PCDHA3: variants seen among roughly 807,000 people sequenced by gnomAD.
The protein encoded by PCDHA3 is protocadherin alpha 3.
A neutral mutation model predicts 62.2 loss-of-function variants in PCDHA3; 41 were observed. The observed-to-expected ratio is 0.66, with a 90% CI of 0.51 to 0.86. The LOEUF (loss-of-function observed/expected upper bound fraction) is 0.86. Ranked by LOEUF, PCDHA3 falls within the 40% of genes least tolerant of loss-of-function variation. The pLI, the probability that PCDHA3 is intolerant of heterozygous loss-of-function variation, is 0.00. For synonymous variants in PCDHA3, 640 were observed against 555.4 expected (o/e 1.15, Z -2.14); for missense variants, 1,304 against 1,241.2 (o/e 1.05, Z -0.76).
intron 1 of PCDHA3, chr5:140,823,286 C>A: frequency 1.2e-6 from 2 of 1,612,438 alleles, no homozygotes; most frequent in Non-Finnish European, 8.5e-7. Flanking sequence ...CGCCCGCTGT[C>A]GAGTTACGTT....
chr5:140,928,801 G>C, intron 1 of PCDHA3: 1 of 1,614,184 alleles, frequency 6.2e-7, no homozygotes, highest in Non-Finnish European at 8.5e-7. Context: ...GGTGGTGGTA[G>C]TGGTTCGGGA....
chr5:140,816,312 A>C (rs2126670539), intron 1 of PCDHA3: 29 of 152,232 alleles, frequency 1.9e-4, no homozygotes, highest in Admixed American at 4.6e-4. Flanking sequence ...TAAAATTTTC[A>C]GTTCAATTAT....
intron 1 of PCDHA3, chr5:140,822,039 G>A: frequency 6.2e-7 from 1 of 1,614,224 alleles, no homozygotes; most frequent in South Asian, 1.1e-5. Flanking sequence ...TGAATTCTCG[G>A]ATCGACCGGG....
intron 1 of PCDHA3, chr5:140,822,363 G>A: frequency 6.2e-7 from 1 of 1,614,118 alleles, no homozygotes; most frequent in South Asian, 1.1e-5. Context: ...TGGTTTTGAG[G>A]AAATCCTTAG....
chr5:140,822,174 CAG>C lies in PCDHA3; in HGVS notation c.2394+18585_2394+18586del, dbSNP rs2150114335. 10 of 1,614,246 alleles carry C rather than the reference CAG, an allele frequency of 6.2e-6. No homozygotes were observed. In the East Asian group the frequency reaches 2.0e-4, roughly 32 times the overall value. On this transcript the variant is annotated intron_variant, in intron 1 of 3. Coordinates refer to ENST00000522353, the MANE Select transcript of PCDHA3 (RefSeq NM_018906.3). ...TCAATGACAATCCGCCCAGGTTCTC[CAG>C]ACAAGAACAAAGATTATTCATTTTA...
rs2150110704 is a variant in PCDHA3 at position 140,821,793 on chromosome 5, A to G, written c.2394+18202A>G. The G allele has an allele frequency of 9.3e-6, 15 of 1,612,486 alleles. No homozygotes were observed. The East Asian group carries it at 3.3e-4, about 36-fold the overall frequency. ...AGATTGAGATGGTATATTCCCGGAG[A>G]GGAAGTCTGGGATCCCGGCTCCTGC... On this transcript the variant is annotated intron_variant, in intron 1 of 3. Coordinates refer to ENST00000522353, the MANE Select transcript of PCDHA3 (RefSeq NM_018906.3).
chr5:140,801,881 A>G lies in PCDHA3; in HGVS notation c.684A>G (p.Leu228=). The stretch of plus-strand genomic sequence containing the variant: ...CAGAGCTCACTGGCACGACTCAACT[A>G]AAGATCACTGTTTTAGATGTAAACG... ...GKPELTGTTQ[L]KITVLDVNDN... is the part of the protein sequence containing the mutation. The change falls in exon 1 of 4, where the codon CTA becomes CTG. Residue 228 remains leucine, a synonymous_variant. Coordinates refer to ENST00000522353, the MANE Select transcript of PCDHA3 (RefSeq NM_018906.3). The G allele has an allele frequency of 6.2e-7, 1 of 1,614,200 alleles. No homozygotes were observed. The highest frequency in any genetic ancestry group is 8.5e-7 in the Non-Finnish European group (1 of 1,180,050).
chr5:140,848,894 C>G (rs1562450529), intron 1 of PCDHA3: 3 of 1,604,178 alleles, frequency 1.9e-6, no homozygotes, highest in Non-Finnish European at 2.6e-6. Context: ...CTCCAGTGTT[C>G]CCAGCGACAC....
intron 1 of PCDHA3, among the ~76,000 whole-genome samples, chr5:140,936,113 G>A (rs1316824905): frequency 2.0e-5 from 3 of 151,964 alleles, no homozygotes; most frequent in South Asian, 2.1e-4. Context: ...GGCTGGTCTC[G>A]AACTCCTGAC....
chr5:140,926,180 C>A (rs1341994925), intron 1 of PCDHA3, among the ~76,000 whole-genome samples: 1 of 151,710 alleles, frequency 6.6e-6, no homozygotes, highest in Admixed American at 6.6e-5. Flanking sequence ...CGCGGAAAGC[C>A]CCCCGCAGCA....
intron 1 of PCDHA3, chr5:140,825,152 A>C (rs1554130155): frequency 1.3e-5 from 2 of 151,900 alleles, no homozygotes; most frequent in East Asian, 1.9e-4. Context: ...TATTGATTTT[A>C]ATCTTGCTTT....
chr5:140,878,252 C>T (rs1250494755), intron 1 of PCDHA3, among the ~76,000 whole-genome samples: 26 of 152,184 alleles, frequency 1.7e-4, no homozygotes, highest in African/African-American at 3.1e-4. Context: ...CTCTTCCTCA[C>T]GTGCTTAGGC....
intron 1 of PCDHA3, among the ~76,000 whole-genome samples, chr5:140,838,077 A>ATAGTGT (rs1203070308): frequency 7.4e-5 from 6 of 80,664 alleles, no homozygotes; most frequent in Non-Finnish European, 1.5e-4. Flanking sequence ...ATATATATAT[A>ATAGTGT]GTGTGTGTGT....
chr5:140,856,933 C>A (rs1554149303), intron 1 of PCDHA3: 5 of 1,593,874 alleles, frequency 3.1e-6, no homozygotes, highest in East Asian at 4.5e-5. Flanking sequence ...TTTGGATAAA[C>A]GAAAGGACGG....
chr5:140,862,339 C>T (rs1221529489), intron 1 of PCDHA3: 2 of 332,834 alleles, frequency 6.0e-6, no homozygotes, highest in Non-Finnish European at 1.2e-5. Context: ...TTGACCCTAA[C>T]TTCAGTGCCA....
intron 1 of PCDHA3, among the ~76,000 whole-genome samples, chr5:140,941,845 C>T (rs2093180727): frequency 6.6e-6 from 1 of 152,160 alleles, no homozygotes. Context: ...GCTGCCATTA[C>T]CTGATATTCC....
At chr5:140,850,475 G>A (rs372827076) in intron 1 of PCDHA3, 1 of 1,598,006 alleles carries the variant, frequency 6.3e-7, no homozygotes, top group Middle Eastern at 1.7e-4. Flanking sequence ...CAGCGCTGAC[G>A]GCCACGGCCA....
intron 1 of PCDHA3, among the ~76,000 whole-genome samples, chr5:140,958,824 A>T (rs1008923744): frequency 8.5e-5 from 13 of 152,158 alleles, no homozygotes; most frequent in African/African-American, 3.1e-4. Context: ...TAATTTTTAT[A>T]TCTTAAAGTT....
At chr5:141,007,156 G>A (rs1289202250) in intron 3 of PCDHA3, among the ~76,000 whole-genome samples, 2 of 152,148 alleles carry the variant, frequency 1.3e-5, no homozygotes, top group Non-Finnish European at 1.5e-5. Context: ...AACTGTCAAA[G>A]AACAGTCAGA....
Sources: gnomAD v4.1 joint callset for allele counts (sites outside exome capture counted in the v4.1 genomes callset) on GRCh38, gnomAD v4.1.1 for gene constraint, MANE v1.5 for transcripts, NCBI Gene and HGNC (gene_info 2026-07-23, HGNC 2026-07-21) for gene names.